The following CPNE8 variants were observed in gnomAD, a reference collection of about 807,000 sequenced individuals.
CPNE8 encodes copine 8, also known as copine-8.
In CPNE8, 45 loss-of-function variants were observed where a neutral mutation model predicts 81.5. That is an observed-to-expected ratio of 0.55 (90% CI 0.44 to 0.71). The LOEUF (loss-of-function observed/expected upper bound fraction) is 0.71, where lower values mean the gene tolerates loss of function less well. CPNE8 is among the 30% of genes least tolerant of loss of function. The probability of loss-of-function intolerance (pLI) is 0.00; values close to 1 mark genes in which losing one functional copy is unlikely to be tolerated. For synonymous variants in CPNE8, 252 were observed against 226.3 expected (o/e 1.11, Z -1.02); for missense variants, 594 against 672.1 (o/e 0.88, Z 1.28).
intron 6 of CPNE8, among the ~76,000 whole-genome samples, chr12:38,822,387 G>T (rs1042711880): frequency 8.6e-5 from 13 of 151,922 alleles, no homozygotes; most frequent in Non-Finnish European, 1.9e-4. Context: ...GGTTTAACAC[G>T]GTCCTTTCCT....
chr12:38,855,331 T>C (rs908531046), intron 3 of CPNE8, among the ~76,000 whole-genome samples: 75 of 152,034 alleles, frequency 4.9e-4, no homozygotes, highest in African/African-American at 1.6e-3. Flanking sequence ...GTAATCTCTA[T>C]CAAAATTCCA....
At chr12:38,736,779 T>C (rs1940964280) in intron 10 of CPNE8, among the ~76,000 whole-genome samples, 1 of 152,052 alleles carries the variant, frequency 6.6e-6, no homozygotes, top group Non-Finnish European at 1.5e-5. Context: ...CAAAAAATTC[T>C]TAACAGGAAA....
At chr12:38,745,450 T>G (rs540013180) in intron 10 of CPNE8, among the ~76,000 whole-genome samples, 62 of 152,324 alleles carry the variant, frequency 4.1e-4, no homozygotes, top group African/African-American at 5.8e-4. Context: ...ATGGGCTGGA[T>G]AGCAATCATC....
intron 1 of CPNE8, among the ~76,000 whole-genome samples, chr12:38,879,023 T>C (rs148790883): frequency 0.024 from 3,612 of 152,290 alleles, 58 homozygotes; most frequent in Non-Finnish European, 0.038. Flanking sequence ...TAATTAGTTC[T>C]TATTCCAACT....
chr12:38,721,347 C>T (rs1203891860), intron 13 of CPNE8: 2 of 152,824 alleles, frequency 1.3e-5, no homozygotes, highest in South Asian at 2.1e-4. Flanking sequence ...CAACCCACTC[C>T]AAGGCCTCCT....
At chr12:38,750,144 C>A (rs1941321833) in intron 10 of CPNE8, among the ~76,000 whole-genome samples, 1 of 152,132 alleles carries the variant, frequency 6.6e-6, no homozygotes, top group South Asian at 2.1e-4. Context: ...AGGGTGGAAG[C>A]CCCAAGCCTT....
At chr12:38,721,959 C>A (rs1388288777) in intron 13 of CPNE8, among the ~76,000 whole-genome samples, 1 of 152,184 alleles carries the variant, frequency 6.6e-6, no homozygotes, top group Admixed American at 6.5e-5. Flanking sequence ...TCACACACCC[C>A]TCACCACTTC....
intron 7 of CPNE8, among the ~76,000 whole-genome samples, chr12:38,774,009 T>C (rs1298065944): frequency 6.6e-6 from 1 of 152,140 alleles, no homozygotes; most frequent in Admixed American, 6.6e-5. Flanking sequence ...ATTGACTCAT[T>C]GAAAGATAAT....
chr12:38,785,997 A>C (rs973370563), intron 6 of CPNE8, among the ~76,000 whole-genome samples: 1 of 152,178 alleles, frequency 6.6e-6, no homozygotes, highest in African/African-American at 2.4e-5. Flanking sequence ...GAAGGAAAGA[A>C]AGAAGAGAAC....
At chr12:38,848,464 T>A in intron 4 of CPNE8, 95 bp downstream of exon 4, 2 of 1,429,186 alleles carry the variant, frequency 1.4e-6, no homozygotes, top group Non-Finnish European at 1.8e-6. Flanking sequence ...GCCAATATAA[T>A]CTAGAACTCA....
chr12:38,690,402 C>T (rs1452958819), intron 15 of CPNE8, among the ~76,000 whole-genome samples: 1 of 152,006 alleles, frequency 6.6e-6, no homozygotes, highest in Non-Finnish European at 1.5e-5. Context: ...AACAGAAGTG[C>T]TTTGAAAAAA....
intron 6 of CPNE8, among the ~76,000 whole-genome samples, chr12:38,829,030 A>T (rs1009714904): frequency 6.6e-6 from 1 of 152,236 alleles, no homozygotes; most frequent in African/African-American, 2.4e-5. Context: ...TATGAAATAC[A>T]TGGTATTAAC....
At chr12:38,796,808 C>A (rs1413629907) in intron 6 of CPNE8, among the ~76,000 whole-genome samples, 2 of 152,114 alleles carry the variant, frequency 1.3e-5, no homozygotes, top group Non-Finnish European at 2.9e-5. Context: ...AAAGGGGTGA[C>A]AGGCGGCACC....
intron 5 of CPNE8, among the ~76,000 whole-genome samples, chr12:38,833,313 C>T (rs906500529): frequency 5.0e-5 from 7 of 138,876 alleles, no homozygotes; most frequent in Non-Finnish European, 1.1e-4. Context: ...GATCGTGGCA[C>T]TGTACTCCAG....
chr12:38,893,179 T>G (rs113621062), intron 1 of CPNE8, among the ~76,000 whole-genome samples: 2,758 of 152,296 alleles, frequency 0.018, 91 homozygotes, highest in African/African-American at 0.063. Context: ...CAGAGGTGTT[T>G]GAACCAGAGC....
chr12:38,842,353 T>G (rs1943483351), intron 4 of CPNE8, among the ~76,000 whole-genome samples: 1 of 151,972 alleles, frequency 6.6e-6, no homozygotes, highest in African/African-American at 2.4e-5. Context: ...AAGAACCGAG[T>G]GTGGACTGGG....
intron 6 of CPNE8, among the ~76,000 whole-genome samples, chr12:38,794,594 A>T (rs951354116): frequency 6.6e-6 from 1 of 152,116 alleles, no homozygotes; most frequent in Non-Finnish European, 1.5e-5. Context: ...TCAGATCCAC[A>T]ATTAAATATC....
intron 5 of CPNE8, among the ~76,000 whole-genome samples, chr12:38,833,770 A>T (rs1293757534): frequency 6.6e-6 from 1 of 151,956 alleles, no homozygotes; most frequent in East Asian, 1.9e-4. Context: ...GAGCCACCGC[A>T]CCCGGCCACC....
At chr12:38,796,974 G>C (rs1260850935) in intron 6 of CPNE8, among the ~76,000 whole-genome samples, 3 of 152,200 alleles carry the variant, frequency 2.0e-5, no homozygotes, top group Non-Finnish European at 4.4e-5. Flanking sequence ...CAAACTGCAA[G>C]GCGGCAGCAA....
Sources: gnomAD v4.1 joint callset for allele counts (sites outside exome capture counted in the v4.1 genomes callset) on GRCh38, gnomAD v4.1.1 for gene constraint, MANE v1.5 for transcripts, NCBI Gene and HGNC (gene_info 2026-07-23, HGNC 2026-07-21) for gene names.